The following PRKG1 variants were observed in gnomAD, a reference collection of about 807,000 sequenced individuals.
PRKG1 encodes cGMP-dependent protein kinase 1.
PRKG1 carries 35 observed loss-of-function variants against 88.1 expected under a neutral mutation model. That is an observed-to-expected ratio of 0.40 (90% CI 0.30 to 0.53). The LOEUF is 0.53. PRKG1 is among the 20% of genes least tolerant of loss of function. The pLI is 0.59. For synonymous variants in PRKG1, 303 were observed against 292.5 expected, an observed-to-expected ratio of 1.04 and a Z score of -0.37; for missense variants, 540 against 839.8, an observed-to-expected ratio of 0.64 and a Z score of 4.41.
At chr10:51,041,896 T>G (rs1843429094) in intron 1 of PRKG1, among the ~76,000 whole-genome samples, 1 of 152,180 alleles carries the variant, frequency 6.6e-6, no homozygotes, top group African/African-American at 2.4e-5. Context: ...TCTGCAAGTC[T>G]GGGAGTTTTC....
intron 9 of PRKG1, among the ~76,000 whole-genome samples, chr10:52,207,426 G>A (rs570875657): frequency 6.6e-6 from 1 of 152,318 alleles, no homozygotes; most frequent in Non-Finnish European, 1.5e-5. Flanking sequence ...CCAGCAGACA[G>A]TCAGGTACTC....
intron 3 of PRKG1, among the ~76,000 whole-genome samples, chr10:51,541,751 A>G (rs901873812): frequency 3.3e-5 from 5 of 150,852 alleles, no homozygotes; most frequent in African/African-American, 7.5e-5. Flanking sequence ...AAAACAAACT[A>G]TTTTTTTGTA....
chr10:51,813,532 C>T (rs746300884), intron 4 of PRKG1, among the ~76,000 whole-genome samples: 36 of 152,070 alleles, frequency 2.4e-4, no homozygotes, highest in East Asian at 1.9e-3. Context: ...AACAAAAATT[C>T]GTAAAGTACT....
chr10:51,971,231 G>A (rs900084099), intron 5 of PRKG1, among the ~76,000 whole-genome samples: 26 of 151,990 alleles, frequency 1.7e-4, no homozygotes, highest in African/African-American at 5.1e-4. Flanking sequence ...ATTTCTTAAC[G>A]TGGGTTGTGC....
Position 51,422,953 on chromosome 10 carries a change from T to C in PRKG1, c.479-44770T>C, listed in dbSNP as rs186312507. Among the ~76,000 whole-genome samples, 355 of 140,450 alleles carry C rather than the reference T, an allele frequency of 2.5e-3. 2 individuals are homozygous for C. Among genetic ancestry groups the C allele is most frequent in the Middle Eastern group, 3.7e-3 (1 of 270 alleles). 92.1% of individuals were successfully genotyped at this position (140,450 alleles called of 152,430 possible). A position where few individuals can be genotyped will look rare whatever the true frequency, so the allele number is the denominator to read the frequency against. On this transcript the variant is annotated intron_variant, in intron 2 of 17. Coordinates refer to ENST00000373980, the MANE Select transcript of PRKG1 (RefSeq NM_006258.4). ...AAAGTATACAGCACTTGATCTCCAT[T>C]GAAATAGGTTTTTTTTTTTTTTCTG...
intron 1 of PRKG1, among the ~76,000 whole-genome samples, chr10:51,055,611 C>T (rs1017805323): frequency 4.0e-5 from 6 of 151,396 alleles, no homozygotes; most frequent in African/African-American, 1.2e-4. Context: ...TGGTGGTGGT[C>T]GCCTATAGTC....
intron 5 of PRKG1, among the ~76,000 whole-genome samples, chr10:52,017,262 CT>C (rs1845063874): frequency 6.6e-6 from 1 of 152,134 alleles, no homozygotes; most frequent in African/African-American, 2.4e-5. Flanking sequence ...TGTAAATCTT[CT>C]CATTGCATTA....
chr10:52,277,162 C>T (rs934855783), intron 12 of PRKG1, among the ~76,000 whole-genome samples: 3 of 151,972 alleles, frequency 2.0e-5, no homozygotes, highest in South Asian at 2.1e-4. Flanking sequence ...CTGTTTGCTT[C>T]GTGGTGAAAA....
intron 1 of PRKG1, among the ~76,000 whole-genome samples, chr10:51,111,780 A>T (rs1275984914): frequency 6.6e-6 from 1 of 152,192 alleles, no homozygotes; most frequent in Admixed American, 6.6e-5. Context: ...TGAAGTTAGC[A>T]CATGAAGAAA....
chr10:52,024,114 C>T (rs1240363025), intron 5 of PRKG1, among the ~76,000 whole-genome samples: 2 of 151,724 alleles, frequency 1.3e-5, no homozygotes, highest in African/African-American at 4.8e-5. Context: ...GGGATCCAAA[C>T]CACTGCTCAA....
At chr10:51,468,182 A>G (rs905187040) in intron 3 of PRKG1, among the ~76,000 whole-genome samples, 3 of 151,800 alleles carry the variant, frequency 2.0e-5, no homozygotes, top group African/African-American at 7.2e-5. Context: ...AAATTTTTAC[A>G]TGTCTGTCTA....
intron 3 of PRKG1, among the ~76,000 whole-genome samples, chr10:51,701,019 A>G (rs1247022559): frequency 6.6e-6 from 1 of 152,200 alleles, no homozygotes; most frequent in Non-Finnish European, 1.5e-5. Flanking sequence ...TAATGATCAA[A>G]TACAAAAAAA....
chr10:52,090,040 C>G (rs1847016142), intron 7 of PRKG1, among the ~76,000 whole-genome samples: 1 of 152,004 alleles, frequency 6.6e-6, no homozygotes, highest in African/African-American at 2.4e-5. Context: ...GTCTCGATCT[C>G]TTGACCTCGT....
chr10:51,659,150 T>C (rs1035146794), intron 3 of PRKG1, among the ~76,000 whole-genome samples: 2 of 152,156 alleles, frequency 1.3e-5, no homozygotes, highest in Admixed American at 6.6e-5. Flanking sequence ...ATAAGCATGC[T>C]TTTTATATAA....
At chr10:51,739,067 T>C (rs1425581014) in intron 3 of PRKG1, among the ~76,000 whole-genome samples, 2 of 152,216 alleles carry the variant, frequency 1.3e-5, no homozygotes, top group Non-Finnish European at 2.9e-5. Context: ...ATACTTATTT[T>C]TTAACAAGGA....
At chr10:51,732,587 A>G (rs957376485) in intron 3 of PRKG1, among the ~76,000 whole-genome samples, 1 of 152,158 alleles carries the variant, frequency 6.6e-6, no homozygotes, top group Non-Finnish European at 1.5e-5. Flanking sequence ...CCTTCCTAAT[A>G]ATATCTAATA....
chr10:51,398,187 A>G (rs963184150), intron 2 of PRKG1, among the ~76,000 whole-genome samples: 37 of 152,120 alleles, frequency 2.4e-4, no homozygotes, highest in African/African-American at 8.7e-4. Context: ...CATGGAAGAT[A>G]GTTTTTCCAT....
chr10:51,849,507 A>T (rs1840490635), intron 4 of PRKG1, among the ~76,000 whole-genome samples: 1 of 152,076 alleles, frequency 6.6e-6, no homozygotes, highest in African/African-American at 2.4e-5. Context: ...GATTACTCAG[A>T]TTTGTTTTCC....
chr10:51,268,226 G>C (rs1481676819), intron 2 of PRKG1, among the ~76,000 whole-genome samples: 6 of 152,168 alleles, frequency 3.9e-5, no homozygotes. Flanking sequence ...CACAGGACCA[G>C]GGCGAAATTA....
Sources: gnomAD v4.1 joint callset for allele counts (sites outside exome capture counted in the v4.1 genomes callset) on GRCh38, gnomAD v4.1.1 for gene constraint, MANE v1.5 for transcripts, NCBI Gene and HGNC (gene_info 2026-07-23, HGNC 2026-07-21) for gene names.